Variants in PARD3 observed in about 807,000 individuals in gnomAD.
PARD3 encodes the protein par-3 family cell polarity regulator.
PARD3 carries 75 observed loss-of-function variants against 155.4 expected under a neutral mutation model. The ratio of observed to expected loss-of-function variants is 0.48; its 90% CI spans 0.40 to 0.58. PARD3 has a LOEUF of 0.58. Among genes scored for constraint, PARD3 ranks in the 20% least tolerant of loss-of-function variants. The pLI, the probability that PARD3 is intolerant of heterozygous loss-of-function variation, is 0.00. For missense variants in PARD3, 1,642 were observed against 1,721.7 expected, an observed-to-expected ratio of 0.95 and a Z score of 0.82; for synonymous variants, 576 against 610.5, an observed-to-expected ratio of 0.94 and a Z score of 0.83.
intron 1 of PARD3, among the ~76,000 whole-genome samples, chr10:34,723,044 T>C (rs2094633561): frequency 6.6e-6 from 1 of 152,146 alleles, no homozygotes; most frequent in Admixed American, 6.5e-5. Flanking sequence ...AGCATATTTT[T>C]ACAAAAATAT....
chr10:34,158,417 T>A lies in PARD3; in HGVS notation c.3420-26834A>T, dbSNP rs145689784. Among the ~76,000 whole-genome samples, 51 of 152,366 alleles carry A rather than the reference T, an allele frequency of 3.3e-4. 2 individuals carry two copies. In the East Asian group the frequency reaches 9.4e-3, roughly 28 times the overall value. On this transcript the variant is annotated intron_variant, in intron 22 of 24. Transcript: ENST00000374788. Reference sequence around the variant, plus strand: ...TCTTGGATAGCTTCTGTGTGTTTGATTCACGATTCTTTTCCATTTCATGTT... The same window carrying A: ...TCTTGGATAGCTTCTGTGTGTTTGAATCACGATTCTTTTCCATTTCATGTT...
chr10:34,771,868 T>C (rs918309022), intron 1 of PARD3, among the ~76,000 whole-genome samples: 2 of 152,190 alleles, frequency 1.3e-5, no homozygotes, highest in South Asian at 4.1e-4. Context: ...CAAGTTAAAA[T>C]GACACTTTTT....
At chr10:34,461,953 A>G (rs2077679306) in intron 4 of PARD3, among the ~76,000 whole-genome samples, 1 of 152,244 alleles carries the variant, frequency 6.6e-6, no homozygotes, top group African/African-American at 2.4e-5. Flanking sequence ...ATGAAGGCAG[A>G]CTGTATTCCT....
chr10:34,771,875 T>G (rs1181268716), intron 1 of PARD3, among the ~76,000 whole-genome samples: 1 of 152,126 alleles, frequency 6.6e-6, no homozygotes. Flanking sequence ...AAATGACACT[T>G]TTTCCTAACA....
intron 2 of PARD3, among the ~76,000 whole-genome samples, chr10:34,524,647 C>A (rs2133729353): frequency 6.6e-6 from 1 of 152,356 alleles, no homozygotes; most frequent in Middle Eastern, 3.4e-3. Context: ...TTGCTCTACT[C>A]TCTATCATGA....
chr10:34,802,398 T>C (rs1842904821), intron 1 of PARD3, among the ~76,000 whole-genome samples: 1 of 152,174 alleles, frequency 6.6e-6, no homozygotes, highest in Non-Finnish European at 1.5e-5. Context: ...CTAATCTATG[T>C]TTGAAACTTG....
At chr10:34,578,234 A>T (rs1208229521) in intron 2 of PARD3, among the ~76,000 whole-genome samples, 3 of 151,958 alleles carry the variant, frequency 2.0e-5, no homozygotes, top group East Asian at 1.9e-4. Context: ...GCTGAAAAAA[A>T]TTTTTTTAAG....
intron 22 of PARD3, among the ~76,000 whole-genome samples, chr10:34,234,773 T>C (rs1395822772): frequency 6.6e-6 from 1 of 152,242 alleles, no homozygotes. Context: ...ACCTCCAATA[T>C]ATATTTGCTC....
intron 3 of PARD3, among the ~76,000 whole-genome samples, chr10:34,485,547 C>A (rs935742408): frequency 1.3e-5 from 2 of 151,970 alleles, no homozygotes; most frequent in Non-Finnish European, 2.9e-5. Flanking sequence ...CAAGGGATTC[C>A]GGGTCATAGA....
intron 22 of PARD3, among the ~76,000 whole-genome samples, chr10:34,212,662 AG>A (rs397845677): frequency 6.9e-6 from 1 of 145,808 alleles, no homozygotes; most frequent in Non-Finnish European, 1.5e-5. Flanking sequence ...CAGTTGGGGC[AG>A]GGGGGGTTCT....
intron 2 of PARD3, among the ~76,000 whole-genome samples, chr10:34,573,732 C>A (rs71493749): frequency 0.18 from 1,410 of 7,988 alleles, 8 homozygotes; most frequent in Middle Eastern, 0.5. Context: ...AACAAACAAA[C>A]AAAAACACAC....
intron 12 of PARD3, among the ~76,000 whole-genome samples, chr10:34,366,131 T>C (rs183523941): frequency 6.6e-6 from 1 of 152,240 alleles, no homozygotes; most frequent in Admixed American, 6.5e-5. Flanking sequence ...GGAGGAGAAA[T>C]TGATAGAGGG....
intron 2 of PARD3, among the ~76,000 whole-genome samples, chr10:34,625,150 T>C (rs541134922): frequency 2.6e-5 from 4 of 152,288 alleles, no homozygotes; most frequent in Admixed American, 6.5e-5. Context: ...AAAAACTGAG[T>C]GTGCCTGTAG....
intron 2 of PARD3, among the ~76,000 whole-genome samples, chr10:34,615,628 C>T (rs2091200924): frequency 6.6e-6 from 1 of 152,128 alleles, no homozygotes; most frequent in Non-Finnish European, 1.5e-5. Context: ...AAAGCTTCTG[C>T]ACAGCAACAG....
chr10:34,720,341 T>C (rs901752920), intron 1 of PARD3, among the ~76,000 whole-genome samples: 1 of 150,262 alleles, frequency 6.7e-6, no homozygotes, highest in African/African-American at 2.5e-5. Flanking sequence ...AGGACAACTG[T>C]TTGATTCTCT....
chr10:34,331,461 G>C (rs1835607262), intron 18 of PARD3, 117 bp from the exon 19 acceptor site: 2 of 596,266 alleles, frequency 3.4e-6, no homozygotes, highest in Non-Finnish European at 5.9e-6. Context: ...ATGAGTTCTG[G>C]AATGCAGATG....
rs4113503 is a variant in PARD3, at chr10:34,411,191, C to G, written c.715-9274G>C. Among the ~76,000 whole-genome samples the G allele has an allele frequency of 3.3e-5, 5 of 152,122 alleles. 1 individual carries two copies. Among genetic ancestry groups the G allele is most frequent in the Admixed American group, 2.0e-4 (3 of 15,262 alleles). Reference sequence around the variant, plus strand: ...AGATAGGGAGACAGACAAAAAGACACACATACCCCTTATTCCCCTTAATCT... The same window carrying G: ...AGATAGGGAGACAGACAAAAAGACAGACATACCCCTTATTCCCCTTAATCT... On this transcript the variant is annotated intron_variant, in intron 5 of 24. Transcript: ENST00000374788.
chr10:34,527,608 CT>C (rs1163588809), intron 2 of PARD3, among the ~76,000 whole-genome samples: 1 of 152,194 alleles, frequency 6.6e-6, no homozygotes, highest in Non-Finnish European at 1.5e-5. Context: ...AAACCCACCA[CT>C]TCTGTTCACT....
intron 2 of PARD3, among the ~76,000 whole-genome samples, chr10:34,536,080 T>C (rs2083205913): frequency 1.3e-5 from 2 of 152,182 alleles, no homozygotes; most frequent in South Asian, 4.1e-4. Flanking sequence ...TCTTCACCAC[T>C]GATTCATCAC....
Sources: gnomAD v4.1 joint callset for allele counts (sites outside exome capture counted in the v4.1 genomes callset) on GRCh38, gnomAD v4.1.1 for gene constraint, MANE v1.5 for transcripts, NCBI Gene and HGNC (gene_info 2026-07-23, HGNC 2026-07-21) for gene names.